Variants in MKLN1 observed in about 807,000 individuals in gnomAD.
MKLN1 encodes the protein muskelin 1, also known as muskelin.
A neutral mutation model predicts 99.0 loss-of-function variants in MKLN1; 18 were observed. The ratio of observed to expected loss-of-function variants is 0.18; its 90% confidence interval spans 0.13 to 0.27. The LOEUF (loss-of-function observed/expected upper bound fraction) is 0.27, where lower values mean the gene tolerates loss of function less well. MKLN1 is among the 10% of genes least tolerant of loss of function. The pLI, the probability that MKLN1 is intolerant of heterozygous loss-of-function variation, is 1.00. For missense variants in MKLN1, 621 were observed against 875.9 expected (o/e 0.71, Z 3.67); for synonymous variants, 288 against 293.2 (o/e 0.98, Z 0.18).
chr7:131,253,453 C>A (rs1797612185), intron 3 of MKLN1, among the ~76,000 whole-genome samples: 1 of 152,174 alleles, frequency 6.6e-6, no homozygotes, highest in Non-Finnish European at 1.5e-5. Flanking sequence ...CAAGCCCCTA[C>A]CTATAGGGCA....
intron 1 of MKLN1, among the ~76,000 whole-genome samples, chr7:131,374,591 T>A (rs1425134923): frequency 4.6e-5 from 7 of 152,162 alleles, no homozygotes; most frequent in Admixed American, 1.3e-4. Context: ...TAACCCATAT[T>A]CCTTGTGAAA....
chr7:131,408,533 T>C (rs1342334311), intron 6 of MKLN1, among the ~76,000 whole-genome samples: 1 of 152,158 alleles, frequency 6.6e-6, no homozygotes, highest in Non-Finnish European at 1.5e-5. Context: ...TTTTTTTGGT[T>C]TTGTTTTCTT....
intron 2 of MKLN1, among the ~76,000 whole-genome samples, chr7:131,144,502 T>C (rs887287958): frequency 6.6e-6 from 1 of 151,266 alleles, no homozygotes; most frequent in African/African-American, 2.4e-5. Flanking sequence ...AAAAAGTTTT[T>C]CTTTTTAATT....
chr7:131,375,848 T>C (rs1793630406), intron 2 of MKLN1, among the ~76,000 whole-genome samples: 2 of 149,820 alleles, frequency 1.3e-5, no homozygotes, highest in Admixed American at 6.7e-5. Flanking sequence ...AATATTATTA[T>C]ACTTAATATT....
At chr7:131,138,780 T>C (rs1051664993) in intron 1 of MKLN1, among the ~76,000 whole-genome samples, 1 of 152,210 alleles carries the variant, frequency 6.6e-6, no homozygotes, top group Non-Finnish European at 1.5e-5. Flanking sequence ...TGTATTTATA[T>C]GTGATGTTTA....
intron 1 of MKLN1, among the ~76,000 whole-genome samples, chr7:131,331,521 A>ACACCTGTACC (rs1446320047): frequency 2.6e-5 from 4 of 152,218 alleles, no homozygotes; most frequent in Non-Finnish European, 5.9e-5. Context: ...AGGGTGGCTC[A>ACACCTGTACC]CACCTGTAAT....
At chr7:131,221,731 G>A (rs1323121396) in intron 3 of MKLN1, among the ~76,000 whole-genome samples, 1 of 148,854 alleles carries the variant, frequency 6.7e-6, no homozygotes, top group Non-Finnish European at 1.5e-5. Context: ...ATGTTGACCA[G>A]GCTGGTCTCG....
intron 3 of MKLN1, among the ~76,000 whole-genome samples, chr7:131,288,120 G>A (rs938378264): frequency 2.6e-5 from 4 of 151,998 alleles, no homozygotes; most frequent in Admixed American, 2.0e-4. Context: ...CTCTGTTCCC[G>A]ACAAGGATGT....
At chr7:131,442,781 C>G (rs1309462382) in intron 10 of MKLN1, among the ~76,000 whole-genome samples, 1 of 152,168 alleles carries the variant, frequency 6.6e-6, no homozygotes, top group Non-Finnish European at 1.5e-5. Flanking sequence ...TGTCTCGTGA[C>G]AAATGGCTGT....
chr7:131,111,830 T>G lies in MKLN1; in HGVS notation c.-419+1623T>G, dbSNP rs116473287. On this transcript the variant is annotated intron_variant, in intron 1 of 7. Transcript: ENST00000416992. Reference sequence around the variant, plus strand: ...TCGAAGCTGGGGAAATCATTTAGACTAAACAAGGCATAAAATTGAATGGAA... The same window carrying G: ...TCGAAGCTGGGGAAATCATTTAGACGAAACAAGGCATAAAATTGAATGGAA... Among the ~76,000 whole-genome samples, 641 of 152,286 alleles carry G rather than the reference T, an allele frequency of 4.2e-3. 1 individual carries two copies. The highest frequency in any genetic ancestry group is 0.014 in the African/African-American group (601 of 41,556).
intron 10 of MKLN1, among the ~76,000 whole-genome samples, chr7:131,441,455 ATATC>A: frequency 6.6e-6 from 1 of 152,322 alleles, no homozygotes; most frequent in South Asian, 2.1e-4. Context: ...TAAAAATTAA[ATATC>A]TAACTCCTGA....
intron 2 of MKLN1, among the ~76,000 whole-genome samples, chr7:131,386,092 C>T (rs575872807): frequency 1.3e-5 from 2 of 150,702 alleles, no homozygotes; most frequent in Non-Finnish European, 2.9e-5. Flanking sequence ...TGGCTCACTG[C>T]AACCTCCATC....
chr7:131,278,467 T>C (rs1798006010), intron 3 of MKLN1, among the ~76,000 whole-genome samples: 1 of 152,192 alleles, frequency 6.6e-6, no homozygotes, highest in Non-Finnish European at 1.5e-5. Flanking sequence ...TGTCCAGCTT[T>C]GAAGATGGGA....
chr7:131,377,545 A>G (rs1793701500), intron 2 of MKLN1, among the ~76,000 whole-genome samples: 1 of 151,896 alleles, frequency 6.6e-6, no homozygotes, highest in Non-Finnish European at 1.5e-5. Context: ...AGTGTTTTTC[A>G]TTTGATTATT....
chr7:131,481,767 C>T (rs1293379635), intron 17 of MKLN1, among the ~76,000 whole-genome samples: 1 of 144,382 alleles, frequency 6.9e-6, no homozygotes, highest in Admixed American at 7.1e-5. Flanking sequence ...GGGTTATTTA[C>T]TGTACCTTTC....
intron 3 of MKLN1, among the ~76,000 whole-genome samples, chr7:131,314,356 A>T (rs1798623970): frequency 6.6e-6 from 1 of 152,200 alleles, no homozygotes; most frequent in African/African-American, 2.4e-5. Context: ...AGTCATTAGA[A>T]GTCTCCTCTA....
Position 131,470,935 on chromosome 7 carries a change from G to C in MKLN1, c.2022G>C (p.Glu674Asp). The C allele has an allele frequency of 6.3e-7, 1 of 1,591,952 alleles. No homozygotes were observed. Among genetic ancestry groups the C allele is most frequent in the Non-Finnish European group, 8.6e-7 (1 of 1,165,152 alleles). The part of the protein sequence containing the change: ...YITVDHSDPE[E>D]TKEFQLLASA... Reference sequence around the variant, plus strand: ...CTGTGGATCATTCAGACCCAGAAGAGACAAAAGAGGTAAAGAAAGGTGGTA... The same window carrying C: ...CTGTGGATCATTCAGACCCAGAAGACACAAAAGAGGTAAAGAAAGGTGGTA... The change falls in exon 16 of 18, where the codon GAG becomes GAC. Residue 674 changes from glutamate to aspartate, a missense_variant. Around this residue, in one of 8 missense-constraint regions of MKLN1, gnomAD observed 126 missense variants for 157.4 expected, o/e 0.80. Transcript: ENST00000352689.
Position 131,327,957 on chromosome 7 carries a change from C to T in MKLN1, c.58C>T (p.Leu20=), listed in dbSNP as rs141416130. The change falls in exon 1 of 18, where the codon CTA becomes TTA. Residue 20 remains leucine, a synonymous_variant. Coordinates refer to ENST00000352689, the MANE Select transcript of MKLN1 (RefSeq NM_013255.5). The part of the protein sequence containing the change: ...APECRLLPYA[L]HKWSSFSSTY... ...CGAGTGCCGGCTTCTCCCCTACGCG[C>T]TACACAAGTGGAGCTCCTTTTCCTC... 158 of 1,613,778 alleles carry T rather than the reference C, an allele frequency of 9.8e-5. No homozygotes were observed. The highest frequency in any genetic ancestry group is 1.3e-4 in the Non-Finnish European group (151 of 1,179,886).
intron 8 of MKLN1, among the ~76,000 whole-genome samples, chr7:131,416,132 A>G (rs923444482): frequency 6.6e-6 from 1 of 152,174 alleles, no homozygotes; most frequent in Non-Finnish European, 1.5e-5. Context: ...GTTTGCTATA[A>G]TAATATACTA....
Sources: allele counts gnomAD v4.1 joint callset (sites outside exome capture counted in the v4.1 genomes callset), GRCh38; gene constraint gnomAD v4.1.1; regional missense constraint gnomAD v4.1.1; transcripts MANE v1.5; gene names NCBI Gene and HGNC (gene_info 2026-07-23, HGNC 2026-07-21).